LRRIQ3: variants seen among roughly 807,000 people sequenced by gnomAD.
LRRIQ3 encodes leucine-rich repeat and IQ domain-containing protein 3.
A neutral mutation model predicts 59.3 loss-of-function variants in LRRIQ3; 75 were observed. That is an observed-to-expected ratio of 1.26 (90% confidence interval 1.05 to 1.53). LRRIQ3 has a LOEUF of 1.53. Ranked by LOEUF, LRRIQ3 falls within the 40% of genes most tolerant of loss-of-function variation. LRRIQ3 has a pLI of 0.00. For synonymous variants in LRRIQ3, 250 were observed against 231.3 expected (o/e 1.08, Z -0.73); for missense variants, 831 against 710.0 (o/e 1.17, Z -1.94).
At chr1:74,146,622 G>A (rs1647587149) in intron 4 of LRRIQ3, among the ~76,000 whole-genome samples, 1 of 152,266 alleles carries the variant, frequency 6.6e-6, no homozygotes, top group South Asian at 2.1e-4. Context: ...AGTGCTAGCA[G>A]AATAATACAA....
chr1:74,121,920 T>C (rs1357677570), intron 4 of LRRIQ3, among the ~76,000 whole-genome samples: 1 of 152,054 alleles, frequency 6.6e-6, no homozygotes, highest in Non-Finnish European at 1.5e-5. Flanking sequence ...AACTCATCAT[T>C]TTTTATGGCT....
At chr1:74,112,428 A>T (rs927929941) in intron 4 of LRRIQ3, among the ~76,000 whole-genome samples, 1 of 152,176 alleles carries the variant, frequency 6.6e-6, no homozygotes, top group African/African-American at 2.4e-5. Flanking sequence ...TCCAGAGAAA[A>T]ACAGGAAAAG....
chr1:74,152,609 T>C (rs1391039960), intron 4 of LRRIQ3, among the ~76,000 whole-genome samples: 1 of 152,214 alleles, frequency 6.6e-6, no homozygotes, highest in Non-Finnish European at 1.5e-5. Flanking sequence ...TGGATTAACA[T>C]TTGGGGTGTT....
intron 1 of LRRIQ3, among the ~76,000 whole-genome samples, chr1:74,196,508 A>G (rs1355545177): frequency 6.6e-6 from 1 of 152,184 alleles, no homozygotes; most frequent in Admixed American, 6.5e-5. Flanking sequence ...ATACAGACAC[A>G]TACACACACA....
chr1:74,092,808 A>G lies in LRRIQ3; in HGVS notation c.867+16586T>C, dbSNP rs185747451. On this transcript the variant is annotated intron_variant, in intron 5 of 7. Coordinates refer to ENST00000354431, the MANE Select transcript of LRRIQ3 (RefSeq NM_001105659.2). The stretch of plus-strand genomic sequence containing the variant: ...GAAAAAACCAACATCTCGTTCCTCA[A>G]ATTGAAGCGGTTACAATAGGGGACT... Among the ~76,000 whole-genome samples, 5 of 152,162 alleles carry G rather than the reference A, an allele frequency of 3.3e-5. No homozygotes were observed. The South Asian group carries it at 6.2e-4, about 19-fold the overall frequency.
intron 4 of LRRIQ3, among the ~76,000 whole-genome samples, chr1:74,114,292 C>T (rs1646747580): frequency 6.6e-6 from 1 of 151,920 alleles, no homozygotes; most frequent in Non-Finnish European, 1.5e-5. Context: ...CACAAACTGT[C>T]GGATTTGTAA....
intron 6 of LRRIQ3, among the ~76,000 whole-genome samples, chr1:74,064,224 T>A (rs79169016): frequency 0.033 from 5,088 of 151,954 alleles, 305 homozygotes; most frequent in African/African-American, 0.12. Flanking sequence ...ATAGAGCTTG[T>A]TATTATCTTT....
chr1:74,041,405 G>A lies in LRRIQ3; in HGVS notation c.1526C>T (p.Ser509Phe). 1 of 1,613,744 alleles carries A rather than the reference G, an allele frequency of 6.2e-7. No individual in the cohort carries two copies. Among genetic ancestry groups the A allele is most frequent in the Non-Finnish European group, 8.5e-7 (1 of 1,179,878 alleles). ...ERKALFLKEK[S>F]QKASERLLVQ... ...TAATAAACGCTCTGAAGCCTTTTGG[G>A]ATTTTTCTTTTAGAAACAGAGCTTT... The change falls in exon 7 of 8, where the codon TCC (serine) becomes TTC (phenylalanine). Residue 509 changes from serine to phenylalanine, a missense_variant. Physicochemically the swap from Ser to Phe is radical, Grantham distance 155. Coordinates refer to ENST00000354431, the MANE Select transcript of LRRIQ3 (RefSeq NM_001105659.2).
At chr1:74,153,422 C>G (rs375632526) in intron 4 of LRRIQ3, among the ~76,000 whole-genome samples, 5 of 152,142 alleles carry the variant, frequency 3.3e-5, no homozygotes, top group Non-Finnish European at 7.4e-5. Flanking sequence ...ACTAATCACT[C>G]GGACCCTAGG....
chr1:74,126,576 T>G (rs1055333016), intron 4 of LRRIQ3, among the ~76,000 whole-genome samples: 6 of 151,966 alleles, frequency 3.9e-5, no homozygotes, highest in Non-Finnish European at 8.8e-5. Flanking sequence ...TTAAAGAAAT[T>G]TTTAAATTTC....
chr1:74,191,744 G>A (rs1300663645), intron 1 of LRRIQ3, among the ~76,000 whole-genome samples: 5 of 152,026 alleles, frequency 3.3e-5, no homozygotes, highest in Non-Finnish European at 5.9e-5. Context: ...AAAATAAAAT[G>A]TAAAATTTAG....
chr1:74,164,783 T>A (rs1648874042), intron 3 of LRRIQ3, among the ~76,000 whole-genome samples: 1 of 151,596 alleles, frequency 6.6e-6, no homozygotes, highest in Non-Finnish European at 1.5e-5. Context: ...ATTCTGTAAC[T>A]TTACATCTTA....
At chr1:74,051,838 A>G (rs191644866) in intron 6 of LRRIQ3, among the ~76,000 whole-genome samples, 1 of 152,256 alleles carries the variant, frequency 6.6e-6, no homozygotes, top group East Asian at 1.9e-4. Context: ...TGCCTTTTAT[A>G]CAGTTTGCCT....
chr1:74,153,226 A>C (rs1026247692), intron 4 of LRRIQ3, among the ~76,000 whole-genome samples: 1 of 152,162 alleles, frequency 6.6e-6, no homozygotes, highest in Non-Finnish European at 1.5e-5. Flanking sequence ...ATAAAAGTAT[A>C]CTTTCCTTAT....
intron 3 of LRRIQ3, among the ~76,000 whole-genome samples, chr1:74,177,473 A>G (rs1448289031): frequency 6.6e-6 from 1 of 152,128 alleles, no homozygotes; most frequent in Non-Finnish European, 1.5e-5. Flanking sequence ...CCCTCTGGGG[A>G]ACCCTGACTA....
intron 6 of LRRIQ3, among the ~76,000 whole-genome samples, chr1:74,068,184 T>C (rs1159291650): frequency 1.7e-4 from 26 of 152,114 alleles, no homozygotes. Context: ...TTTTAGGTTT[T>C]ATGTTATGAT....
intron 5 of LRRIQ3, among the ~76,000 whole-genome samples, chr1:74,102,068 A>G (rs1217701732): frequency 6.6e-6 from 1 of 152,048 alleles, no homozygotes; most frequent in African/African-American, 2.4e-5. Context: ...TTAAAAAAAA[A>G]AAAAGAAAAT....
intron 3 of LRRIQ3, among the ~76,000 whole-genome samples, chr1:74,156,400 T>C (rs1206555494): frequency 6.6e-6 from 1 of 152,134 alleles, no homozygotes; most frequent in Non-Finnish European, 1.5e-5. Context: ...GCAATGAAAC[T>C]GAGTAATAAA....
At chr1:74,113,245 A>G (rs1196116458) in intron 4 of LRRIQ3, among the ~76,000 whole-genome samples, 1 of 152,080 alleles carries the variant, frequency 6.6e-6, no homozygotes, top group Non-Finnish European at 1.5e-5. Context: ...AAACAGAAAT[A>G]AAATGAAGAC....
Sources: gnomAD v4.1 joint callset for allele counts (sites outside exome capture counted in the v4.1 genomes callset) on GRCh38, gnomAD v4.1.1 for gene constraint, MANE v1.5 for transcripts, NCBI Gene and HGNC (gene_info 2026-07-23, HGNC 2026-07-21) for gene names.